FAM227B: variants seen among roughly 807,000 people sequenced by gnomAD.
FAM227B encodes protein FAM227B.
In FAM227B, 88 loss-of-function variants were observed where a neutral mutation model predicts 73.8. The ratio of observed to expected loss-of-function variants is 1.19; its 90% confidence interval spans 1.00 to 1.42. The LOEUF is 1.42. FAM227B is among the 40% of genes most tolerant of loss of function. FAM227B has a pLI of 0.00. For synonymous variants in FAM227B, 210 were observed against 190.5 expected (o/e 1.10, Z -0.84); for missense variants, 632 against 590.9 (o/e 1.07, Z -0.72).
chr15:49,436,937 A>G (rs1284246514), intron 11 of FAM227B, among the ~76,000 whole-genome samples: 3 of 151,650 alleles, frequency 2.0e-5, no homozygotes, highest in African/African-American at 7.2e-5. Flanking sequence ...CTTATTAAAT[A>G]AAAACTTACT....
chr15:49,349,283 C>G (rs2041932557), intron 13 of FAM227B, among the ~76,000 whole-genome samples: 1 of 152,084 alleles, frequency 6.6e-6, no homozygotes, highest in South Asian at 2.1e-4. Flanking sequence ...CTTTGTTCAT[C>G]AAGTTCTTAT....
At chr15:49,432,222 C>T (rs2050682038) in intron 11 of FAM227B, among the ~76,000 whole-genome samples, 2 of 151,672 alleles carry the variant, frequency 1.3e-5, no homozygotes, top group Admixed American at 1.3e-4. Flanking sequence ...TAGTTTGAGA[C>T]CAAATTCAGA....
At chr15:49,440,747 A>T (rs1477668111) in intron 11 of FAM227B, among the ~76,000 whole-genome samples, 4 of 151,734 alleles carry the variant, frequency 2.6e-5, no homozygotes, top group Admixed American at 2.6e-4. Flanking sequence ...GTTTGGTTCT[A>T]GTAAACAACA....
At chr15:49,418,581 T>A (rs956119638) in intron 11 of FAM227B, among the ~76,000 whole-genome samples, 4 of 152,006 alleles carry the variant, frequency 2.6e-5, no homozygotes, top group Non-Finnish European at 4.4e-5. Context: ...CACTTATAAA[T>A]AGAGCTAAGT....
intron 11 of FAM227B, among the ~76,000 whole-genome samples, chr15:49,456,440 T>C (rs1213216169): frequency 1.3e-5 from 2 of 152,168 alleles, no homozygotes; most frequent in Non-Finnish European, 2.9e-5. Flanking sequence ...AATGTAATGC[T>C]ATGTGGGTAA....
At chr15:49,551,143 G>A (rs57095857) in intron 9 of FAM227B, among the ~76,000 whole-genome samples, 49,828 of 152,062 alleles carry the variant, frequency 0.33, 8,946 homozygotes, top group African/African-American at 0.46. Context: ...CCAGTCAGGC[G>A]TGGCGTCACG....
intron 11 of FAM227B, among the ~76,000 whole-genome samples, chr15:49,475,514 T>A (rs930119771): frequency 1.3e-5 from 2 of 152,168 alleles, no homozygotes; most frequent in Non-Finnish European, 2.9e-5. Flanking sequence ...AACTTTAATA[T>A]TAAGATAGTG....
intron 5 of FAM227B, among the ~76,000 whole-genome samples, chr15:49,586,444 C>T (rs1476691761): frequency 6.6e-6 from 1 of 152,046 alleles, no homozygotes; most frequent in African/African-American, 2.4e-5. Flanking sequence ...CCCTGGAAGA[C>T]AACCTAGGTA....
intron 13 of FAM227B, among the ~76,000 whole-genome samples, chr15:49,355,267 A>C (rs2042947115): frequency 6.6e-6 from 1 of 152,258 alleles, no homozygotes; most frequent in Admixed American, 6.5e-5. Flanking sequence ...TCAGAGAAGA[A>C]GGCTTCAGAC....
intron 11 of FAM227B, among the ~76,000 whole-genome samples, chr15:49,420,479 G>C (rs1264790986): frequency 6.6e-6 from 1 of 152,012 alleles, no homozygotes; most frequent in Admixed American, 6.6e-5. Context: ...ATATGTATGT[G>C]TATATACATA....
chr15:49,356,132 A>C (rs1426087039), intron 13 of FAM227B, among the ~76,000 whole-genome samples: 2 of 152,192 alleles, frequency 1.3e-5, no homozygotes, highest in African/African-American at 2.4e-5. Flanking sequence ...GCCGCTGTAA[A>C]ATCATGCCAA....
At chr15:49,370,393 T>A (rs1433252382) in intron 12 of FAM227B, among the ~76,000 whole-genome samples, 1 of 152,234 alleles carries the variant, frequency 6.6e-6, no homozygotes, top group South Asian at 2.1e-4. Flanking sequence ...ATTACTTATC[T>A]CTGATTTCTA....
chr15:49,433,736 T>C (rs1055324248), intron 11 of FAM227B, among the ~76,000 whole-genome samples: 4 of 151,648 alleles, frequency 2.6e-5, no homozygotes, highest in Admixed American at 6.6e-5. Context: ...TGGCAGGGCA[T>C]AGTGAAGACC....
intron 13 of FAM227B, among the ~76,000 whole-genome samples, chr15:49,335,962 T>A (rs1276724502): frequency 6.6e-6 from 1 of 152,102 alleles, no homozygotes; most frequent in Non-Finnish European, 1.5e-5. Context: ...AAAGGAATCC[T>A]CCTGCCTCAG....
intron 13 of FAM227B, among the ~76,000 whole-genome samples, chr15:49,344,535 A>C (rs1323436709): frequency 2.0e-5 from 3 of 152,152 alleles, no homozygotes; most frequent in Non-Finnish European, 2.9e-5. Flanking sequence ...CACTTTCCCC[A>C]CAAGAGCCTA....
chr15:49,478,120 C>T (rs2055532811), intron 11 of FAM227B, among the ~76,000 whole-genome samples: 1 of 152,232 alleles, frequency 6.6e-6, no homozygotes, highest in South Asian at 2.1e-4. Context: ...ATCTTTATGT[C>T]CCTAAGTACC....
intron 12 of FAM227B, among the ~76,000 whole-genome samples, chr15:49,368,060 A>C (rs2045489243): frequency 6.6e-6 from 1 of 152,010 alleles, no homozygotes; most frequent in Admixed American, 6.6e-5. Flanking sequence ...AAGGAGAAAA[A>C]CCTCAAAAGC....
chr15:49,493,510 G>T (rs1046823224), intron 11 of FAM227B, among the ~76,000 whole-genome samples: 1 of 151,894 alleles, frequency 6.6e-6, no homozygotes, highest in Non-Finnish European at 1.5e-5. Context: ...TCCATACCCT[G>T]CTCTGCCATC....
intron 3 of FAM227B, among the ~76,000 whole-genome samples, chr15:49,592,068 C>T (rs139109077): frequency 1.3e-5 from 2 of 152,148 alleles, no homozygotes; most frequent in South Asian, 4.2e-4. Flanking sequence ...GTTAGCTATT[C>T]GTCTTTTTTT....
Sources: allele counts gnomAD v4.1 joint callset (sites outside exome capture counted in the v4.1 genomes callset), GRCh38; gene constraint gnomAD v4.1.1; transcripts MANE v1.5; gene names NCBI Gene and HGNC (gene_info 2026-07-23, HGNC 2026-07-21).